Variants in CPNE4 observed in about 807,000 individuals in gnomAD.
The protein encoded by CPNE4 is copine-4.
In CPNE4, 25 loss-of-function variants were observed where a neutral mutation model predicts 67.9. That is an observed-to-expected ratio of 0.37 (90% CI 0.27 to 0.51). The LOEUF (loss-of-function observed/expected upper bound fraction) is 0.51. Among genes scored for constraint, CPNE4 ranks in the 20% least tolerant of loss-of-function variants. The pLI is 0.93. For synonymous variants in CPNE4, 242 were observed against 244.9 expected (o/e 0.99, Z 0.11); for missense variants, 464 against 690.8 (o/e 0.67, Z 3.68).
upstream of CPNE4, chr3:132,037,575 T>G: frequency 3.9e-6 from 6 of 1,535,998 alleles, no homozygotes; most frequent in Non-Finnish European, 8.7e-7. Flanking sequence ...AGCTCTCCTT[T>G]TAATGGATTC....
At chr3:132,000,018 T>C (rs1391924094) in intron 1 of CPNE4, among the ~76,000 whole-genome samples, 2 of 150,372 alleles carry the variant, frequency 1.3e-5, no homozygotes, top group African/African-American at 4.9e-5. Flanking sequence ...ACATTCAATG[T>C]ACATCTACTG....
Position 131,552,508 on chromosome 3 carries a change from AT to A in CPNE4, c.1117-18del, listed in dbSNP as rs1936238858. The A allele has an allele frequency of 6.2e-7, 1 of 1,608,492 alleles. No homozygotes were observed. The highest frequency in any genetic ancestry group is 8.5e-7 in the Non-Finnish European group (1 of 1,175,720). On this transcript the variant is annotated intron_variant, in intron 12 of 15. Transcript: ENST00000429747. The stretch of plus-strand genomic sequence containing the variant: ...ATGAGAGACCTAGACACCGATTAAA[AT>A]TTAAAAAACAGGAAGAAAGAAGAAT...
At chr3:131,967,392 GAAAT>G (rs1394214557) in intron 1 of CPNE4, among the ~76,000 whole-genome samples, 2 of 152,172 alleles carry the variant, frequency 1.3e-5, no homozygotes, top group Non-Finnish European at 2.9e-5. Flanking sequence ...GCAAGAGAAA[GAAAT>G]AAAGGGTATT....
chr3:131,987,368 T>C (rs970973993), intron 1 of CPNE4, among the ~76,000 whole-genome samples: 6 of 150,712 alleles, frequency 4.0e-5, no homozygotes, highest in African/African-American at 1.2e-4. Context: ...TAGTACACTT[T>C]ACAAATTAAG....
chr3:131,535,457 G>A, intron 15 of CPNE4, 128 bp from the exon 16 acceptor site: 3 of 901,820 alleles, frequency 3.3e-6, no homozygotes, highest in Non-Finnish European at 4.8e-6. Flanking sequence ...ATTTGTCAAG[G>A]GTCTACTTCA....
intron 9 of CPNE4, among the ~76,000 whole-genome samples, chr3:131,578,420 C>T (rs913600131): frequency 1.1e-4 from 16 of 152,088 alleles, no homozygotes; most frequent in Admixed American, 6.6e-5. Context: ...GTCTCCCTAT[C>T]CCCTGAGACA....
intron 3 of CPNE4, 71 bp downstream of exon 3, chr3:131,723,375 A>G (rs1301409680): frequency 7.5e-7 from 1 of 1,340,264 alleles, no homozygotes; most frequent in African/African-American, 1.5e-5. Flanking sequence ...AGATGAAGGA[A>G]GAGAGGGAAA....
chr3:131,582,679 A>G (rs1937914728), intron 8 of CPNE4, among the ~76,000 whole-genome samples: 1 of 152,170 alleles, frequency 6.6e-6, no homozygotes, highest in Non-Finnish European at 1.5e-5. Context: ...AGGAAATGTG[A>G]TATAAGCAGA....
At chr3:131,910,141 G>A (rs1421364644) in intron 1 of CPNE4, among the ~76,000 whole-genome samples, 1 of 151,996 alleles carries the variant, frequency 6.6e-6, no homozygotes, top group Non-Finnish European at 1.5e-5. Flanking sequence ...TCTTCCCTCT[G>A]CTCAGGGCCC....
intron 2 of CPNE4, among the ~76,000 whole-genome samples, chr3:131,774,604 A>T (rs2083250165): frequency 6.6e-6 from 1 of 152,156 alleles, no homozygotes; most frequent in African/African-American, 2.4e-5. Flanking sequence ...CCCAGGCCTG[A>T]CTGATCATGA....
At chr3:131,971,502 A>C (rs1661982586) in intron 1 of CPNE4, among the ~76,000 whole-genome samples, 1 of 152,206 alleles carries the variant, frequency 6.6e-6, no homozygotes, top group Non-Finnish European at 1.5e-5. Context: ...TCCAGTCACT[A>C]CGTTAACATT....
At chr3:131,779,326 T>TA (rs1186363819) in intron 2 of CPNE4, among the ~76,000 whole-genome samples, 4 of 151,916 alleles carry the variant, frequency 2.6e-5, no homozygotes. Flanking sequence ...GAATTAGATT[T>TA]AAAAAAATCT....
chr3:131,784,809 G>A lies in CPNE4; in HGVS notation c.181-61184C>T, dbSNP rs76784918. On this transcript the variant is annotated intron_variant, in intron 2 of 15. Transcript: ENST00000429747. Reference sequence around the variant, plus strand: ...TTTGCCTTAGGCTCTACTTTGAGGGGCACCAAAACTAAGACAGAATCTATT... The same window carrying A: ...TTTGCCTTAGGCTCTACTTTGAGGGACACCAAAACTAAGACAGAATCTATT... Among the ~76,000 whole-genome samples the A allele has an allele frequency of 9.9e-3, 1,500 of 152,136 alleles. 62 individuals are homozygous for A. In the East Asian group the frequency reaches 0.11, roughly 11 times the overall value.
Position 131,927,199 on chromosome 3 carries a change from G to A in CPNE4, c.-1-21755C>T, listed in dbSNP as rs183934495. On this transcript the variant is annotated intron_variant, in intron 1 of 15. Transcript: ENST00000429747. ...TTCAAAGAATCTTTTTTGTTTTCTC[G>A]TTTGTTTTTTGGTTGGTTTTGTTTT... Among the ~76,000 whole-genome samples the A allele has an allele frequency of 9.9e-5, 15 of 152,048 alleles. No individual in the cohort carries two copies. In the South Asian group the frequency reaches 1.2e-3, roughly 13 times the overall value.
At chr3:131,849,082 A>G (rs2086131342) in intron 2 of CPNE4, among the ~76,000 whole-genome samples, 1 of 151,836 alleles carries the variant, frequency 6.6e-6, no homozygotes, top group South Asian at 2.1e-4. Flanking sequence ...TACAATCCTA[A>G]TGGTCGATTT....
chr3:131,685,880 T>C lies in CPNE4; in HGVS notation c.586A>G (p.Thr196Ala). Reference sequence around the variant, plus strand: ...TAGCTGAAGATGACTCTTACCTCAGTTCGGTGCACCAGCTGCTGAGTTGCA... The same window carrying C: ...TAGCTGAAGATGACTCTTACCTCAGCTCGGTGCACCAGCTGCTGAGTTGCA... ...DDATQQLVHR[T>A]EVVMNNLSPA... Residue 196 changes from threonine to alanine, a missense_variant, in exon 6 of 16, where the codon ACT becomes GCT. Physicochemically the swap from Thr to Ala is moderately conservative, Grantham distance 58. Around this residue, in one of 6 missense-constraint regions of CPNE4, gnomAD observed 58 missense variants for 63.5 expected, o/e 0.91. Coordinates refer to ENST00000429747, the MANE Select transcript of CPNE4 (RefSeq NM_130808.3). 1 of 1,610,062 alleles carries C rather than the reference T, an allele frequency of 6.2e-7. No homozygotes were observed.
chr3:131,640,967 C>G (rs2079525481), intron 7 of CPNE4, among the ~76,000 whole-genome samples: 1 of 152,036 alleles, frequency 6.6e-6, no homozygotes, highest in Non-Finnish European at 1.5e-5. Flanking sequence ...AAGCCACATG[C>G]AGAAGAATGA....
chr3:131,663,142 T>G (rs1244005081), intron 7 of CPNE4, among the ~76,000 whole-genome samples: 1 of 152,180 alleles, frequency 6.6e-6, no homozygotes, highest in Non-Finnish European at 1.5e-5. Flanking sequence ...TAAAGAAGAA[T>G]GAGTTCATGT....
At chr3:131,572,916 T>A (rs1937406720) in intron 10 of CPNE4, among the ~76,000 whole-genome samples, 1 of 152,052 alleles carries the variant, frequency 6.6e-6, no homozygotes, top group South Asian at 2.1e-4. Context: ...TTCAGTAAAA[T>A]AACCAGGCAG....
Sources: gnomAD v4.1 joint callset for allele counts (sites outside exome capture counted in the v4.1 genomes callset) on GRCh38, gnomAD v4.1.1 for gene constraint, gnomAD v4.1.1 regional missense constraint, MANE v1.5 for transcripts, NCBI Gene and HGNC (gene_info 2026-07-23, HGNC 2026-07-21) for gene names.